Variants in VPS13D observed in about 807,000 individuals in gnomAD.
VPS13D encodes vacuolar protein sorting 13 homolog D.
Under a neutral mutation model 461.9 loss-of-function variants are expected in VPS13D, and 187 were observed. The observed-to-expected ratio is 0.40, with a 90% CI of 0.36 to 0.46. The LOEUF (loss-of-function observed/expected upper bound fraction) is 0.46, where lower values mean the gene tolerates loss of function less well. VPS13D is among the 20% of genes least tolerant of loss of function. The probability of loss-of-function intolerance (pLI) is 0.60; values close to 1 mark genes in which losing one functional copy is unlikely to be tolerated. For synonymous variants in VPS13D, 1,951 were observed against 1,986.3 expected (o/e 0.98, Z 0.47); for missense variants, 4,711 against 5,364.9 (o/e 0.88, Z 3.81).
chr1:12,256,690 GTTT>G (rs372902457), intron 8 of VPS13D, among the ~76,000 whole-genome samples, 187 bp downstream of exon 8: 2 of 123,020 alleles, frequency 1.6e-5, no homozygotes, highest in Non-Finnish European at 3.5e-5. Flanking sequence ...TCTCAGGTTA[GTTT>G]TTTTTTTTTT....
intron 1 of VPS13D, among the ~76,000 whole-genome samples, chr1:12,231,647 T>C (rs1030124779): frequency 1.3e-5 from 2 of 152,190 alleles, no homozygotes; most frequent in African/African-American, 4.8e-5. Flanking sequence ...GTCCCCATAG[T>C]AAGATTAGTC....
At chr1:12,233,427 C>T (rs1640046764) in intron 1 of VPS13D, among the ~76,000 whole-genome samples, 2 of 152,104 alleles carry the variant, frequency 1.3e-5, no homozygotes, top group African/African-American at 4.8e-5. Context: ...TGGGAGCTGT[C>T]TTGTGTGTTG....
chr1:12,361,375 A>T lies in VPS13D; in HGVS notation c.10142-1345A>T, dbSNP rs140781754. ...CACTGAATTTTTTATTTTTATTTTT[A>T]TTTATTTATTTATTTATTTATTTAT... On this transcript the variant is annotated intron_variant, in intron 50 of 69. Coordinates refer to ENST00000620676, the MANE Select transcript of VPS13D (RefSeq NM_015378.4). 4.2e-3 allele frequency among the ~76,000 whole-genome samples: 578 copies of T among 137,850 alleles called. 12 individuals carry two copies. In the East Asian group the frequency reaches 0.066, roughly 16 times the overall value. The allele number at this position is 137,850 out of a possible 152,430, so 90.4% of individuals were successfully genotyped here.
intron 67 of VPS13D, among the ~76,000 whole-genome samples, chr1:12,463,129 C>T (rs1270926184): frequency 1.3e-5 from 2 of 152,070 alleles, no homozygotes; most frequent in Non-Finnish European, 2.9e-5. Flanking sequence ...ATCTGCCTAA[C>T]CATTCACTCC....
chr1:12,332,806 A>G (rs1424446710), intron 37 of VPS13D, among the ~76,000 whole-genome samples: 13 of 152,240 alleles, frequency 8.5e-5, no homozygotes, highest in Admixed American at 8.5e-4. Flanking sequence ...ATATGTACCT[A>G]TTTATTCAAC....
At chr1:12,267,091 C>G in intron 14 of VPS13D, 80 bp downstream of exon 14, 1 of 1,364,624 alleles carries the variant, frequency 7.3e-7, no homozygotes, top group Admixed American at 2.7e-5. Context: ...ATAACTGATT[C>G]ATTCTGACAT....
chr1:12,333,746 T>C (rs1377370179), intron 38 of VPS13D, among the ~76,000 whole-genome samples: 2 of 152,236 alleles, frequency 1.3e-5, no homozygotes, highest in African/African-American at 4.8e-5. Flanking sequence ...CATATCTTTA[T>C]AGTAGAATAA....
chr1:12,286,567 TTGAC>T (rs1213026341), intron 21 of VPS13D, among the ~76,000 whole-genome samples: 5 of 152,242 alleles, frequency 3.3e-5, no homozygotes, highest in African/African-American at 1.2e-4. Flanking sequence ...GTTTTCTTGT[TTGAC>T]TGTTTGACTT....
chr1:12,341,755 C>G, intron 40 of VPS13D, 25 bp from the exon 41 acceptor site: 1 of 1,609,420 alleles, frequency 6.2e-7, no homozygotes, highest in South Asian at 1.1e-5. Context: ...GGCGTCTGCT[C>G]ATAGCCTTCT....
At chr1:12,298,511 G>A (rs1175617278) in intron 24 of VPS13D, among the ~76,000 whole-genome samples, 3 of 152,048 alleles carry the variant, frequency 2.0e-5, no homozygotes, top group South Asian at 2.1e-4. Context: ...GTTGTGGCAC[G>A]TGCCCGTAAT....
chr1:12,302,395 T>A (rs1400702955), intron 25 of VPS13D, among the ~76,000 whole-genome samples: 3 of 152,204 alleles, frequency 2.0e-5, no homozygotes, highest in Non-Finnish European at 2.9e-5. Flanking sequence ...AGTTTCCTTA[T>A]CAGATATATC....
chr1:12,304,917 G>A (rs1642520675), intron 26 of VPS13D, among the ~76,000 whole-genome samples, 189 bp downstream of exon 26: 1 of 152,036 alleles, frequency 6.6e-6, no homozygotes, highest in African/African-American at 2.4e-5. Flanking sequence ...ATCATTGGAT[G>A]ACTTGTAAAG....
At chr1:12,285,292 A>ATT (rs1316760884) in intron 21 of VPS13D, among the ~76,000 whole-genome samples, 1 of 141,696 alleles carries the variant, frequency 7.1e-6, no homozygotes. Context: ...TTATTTATTT[A>ATT]TTTATTTTTT....
At chr1:12,301,795 G>T (rs1045929692) in intron 25 of VPS13D, among the ~76,000 whole-genome samples, 2 of 152,164 alleles carry the variant, frequency 1.3e-5, no homozygotes, top group Admixed American at 1.3e-4. Context: ...CTATTTAAGG[G>T]TTTTTAGCCA....
chr1:12,467,680 T>C (rs1645506870), intron 67 of VPS13D, among the ~76,000 whole-genome samples: 1 of 152,194 alleles, frequency 6.6e-6, no homozygotes, highest in African/African-American at 2.4e-5. Flanking sequence ...CTCAGATCTA[T>C]TGTTGGAAAA....
At chr1:12,236,889 T>C (rs1640165537) in intron 2 of VPS13D, among the ~76,000 whole-genome samples, 1 of 152,132 alleles carries the variant, frequency 6.6e-6, no homozygotes, top group African/African-American at 2.4e-5. Flanking sequence ...GAGATAATAT[T>C]AACTATCTCG....
intron 5 of VPS13D, among the ~76,000 whole-genome samples, chr1:12,248,650 T>C (rs1471175518): frequency 2.6e-5 from 4 of 152,248 alleles, no homozygotes; most frequent in African/African-American, 9.6e-5. Context: ...CAACCTGTTA[T>C]TATTTTTTAA....
In VPS13D at chr1:12,490,750, G is replaced by A. The variant is rs116106600; in HGVS notation, c.12663-6750G>A. On this transcript the variant is annotated intron_variant, in intron 67 of 69. Transcript: ENST00000620676. ...CAGGTCCAAGATAGATGAAGCCCAC[G>A]GCATGGTGGGAGCTACAGGTCCGAG... Among the ~76,000 whole-genome samples, 1,317 of 151,058 alleles carry A rather than the reference G, an allele frequency of 8.7e-3. 8 individuals are homozygous for A. Among genetic ancestry groups the A allele is most frequent in the Non-Finnish European group, 0.01 (692 of 67,764 alleles).
intron 10 of VPS13D, 87 bp downstream of exon 10, chr1:12,258,190 G>GT: frequency 2.0e-6 from 3 of 1,515,008 alleles, no homozygotes; most frequent in Non-Finnish European, 1.8e-6. Context: ...GATCTGTGAA[G>GT]TAATAAAGTC....
Sources: gnomAD v4.1 joint callset for allele counts (sites outside exome capture counted in the v4.1 genomes callset) on GRCh38, gnomAD v4.1.1 for gene constraint, MANE v1.5 for transcripts, NCBI Gene and HGNC (gene_info 2026-07-23, HGNC 2026-07-21) for gene names.